MYL4: variants seen among roughly 807,000 people sequenced by gnomAD.
The protein encoded by MYL4 is atrial myosin light chain 1.
Under a neutral mutation model 21.6 loss-of-function variants are expected in MYL4, and 16 were observed. The ratio of observed to expected loss-of-function variants is 0.74; its 90% CI spans 0.50 to 1.12. The LOEUF (loss-of-function observed/expected upper bound fraction) is 1.12, where lower values mean the gene tolerates loss of function less well. Among genes scored for constraint, MYL4 ranks in the 50% most tolerant of loss-of-function variants. The pLI is 0.00. For missense variants in MYL4, 249 were observed against 252.9 expected (o/e 0.98, Z 0.11); for synonymous variants, 82 against 95.7 (o/e 0.86, Z 0.83).
At chr17:47,218,686 C>T (rs2149046556) in intron 2 of MYL4, among the ~76,000 whole-genome samples, 1 of 152,254 alleles carries the variant, frequency 6.6e-6, no homozygotes, top group South Asian at 2.1e-4. Flanking sequence ...TACTCGGAGG[C>T]TGAGGCACAG....
chr17:47,215,684 A>AT (rs2064808203), intron 2 of MYL4, among the ~76,000 whole-genome samples: 1 of 152,208 alleles, frequency 6.6e-6, no homozygotes, highest in Non-Finnish European at 1.5e-5. Context: ...ATTCTAGTCC[A>AT]TTCAGCATCC....
chr17:47,192,438 A>G, the MYL4 span, among the ~76,000 whole-genome samples: 1 of 151,998 alleles, frequency 6.6e-6, no homozygotes, highest in Admixed American at 6.6e-5. Context: ...TCACAAGGTC[A>G]GGAGATCGAG....
At chr17:47,217,803 G>A (rs540533535) in intron 2 of MYL4, among the ~76,000 whole-genome samples, 7 of 152,166 alleles carry the variant, frequency 4.6e-5, no homozygotes, top group African/African-American at 1.4e-4. Context: ...GGAGGCCGAC[G>A]TGGGCTGATC....
upstream of MYL4, among the ~76,000 whole-genome samples, chr17:47,204,667 G>A (rs970133866): frequency 1.3e-5 from 2 of 151,702 alleles, no homozygotes; most frequent in African/African-American, 4.9e-5. Flanking sequence ...GGGAAATGGA[G>A]GCTGCAATGA....
At chr17:47,221,292 G>C (rs1173538206) in intron 3 of MYL4, among the ~76,000 whole-genome samples, 1 of 152,174 alleles carries the variant, frequency 6.6e-6, no homozygotes, top group African/African-American at 2.4e-5. Context: ...TTATAGGTCT[G>C]TCACGTCAAG....
upstream of MYL4, among the ~76,000 whole-genome samples, chr17:47,200,126 A>G (rs967491277): frequency 5.4e-5 from 8 of 148,404 alleles, no homozygotes; most frequent in African/African-American, 2.0e-4. Context: ...TGTTACAAGC[A>G]TAGCAGAGAA....
At chr17:47,207,375 A>T (rs2064734282), upstream of MYL4, among the ~76,000 whole-genome samples, 1 of 152,192 alleles carries the variant, frequency 6.6e-6, no homozygotes, top group African/African-American at 2.4e-5. Flanking sequence ...TCTTGAGGCA[A>T]CTTCAACGTT....
chr17:47,195,252 G>A, the MYL4 span, among the ~76,000 whole-genome samples: 13 of 145,646 alleles, frequency 8.9e-5, no homozygotes, highest in African/African-American at 2.8e-4. Flanking sequence ...TTTTTGAGAC[G>A]GGGTTTTGCT....
rs536664636 is a variant in MYL4, at chr17:47,209,757, A to G, written c.135+200A>G. ...GATTGAGTCATAAACCTTTTCCGTC[A>G]AGAATGAGGTGCTGCTTTGAGGGAG... On this transcript the variant is annotated intron_variant, in intron 1 of 6. Coordinates refer to ENST00000393450, the MANE Select transcript of MYL4 (RefSeq NM_002476.2). 4.4e-4 allele frequency: 327 copies of G among 735,360 alleles called. 5 individuals carry two copies. The highest frequency in any genetic ancestry group is 2.9e-3 in the South Asian group (165 of 57,864). The allele number at this position is 735,360 out of a possible 1,614,324, so 45.6% of individuals were successfully genotyped here. A position where few individuals can be genotyped will look rare whatever the true frequency, so the allele number is the denominator to read the frequency against.
intron 2 of MYL4, among the ~76,000 whole-genome samples, chr17:47,214,478 G>A (rs1424815140): frequency 3.3e-5 from 5 of 151,978 alleles, no homozygotes; most frequent in South Asian, 2.1e-4. Context: ...TCCACCAAAC[G>A]CCTCTAGGAC....
At chr17:47,221,626 C>T (rs987063812) in intron 3 of MYL4, 56 bp from the exon 4 acceptor site, 1 of 1,559,910 alleles carries the variant, frequency 6.4e-7, no homozygotes, top group African/African-American at 1.3e-5. Flanking sequence ...TGACCCTCTG[C>T]TCCCTTGAGC....
chr17:47,225,048 T>G (rs1438187106), downstream of MYL4, among the ~76,000 whole-genome samples: 5 of 152,204 alleles, frequency 3.3e-5, no homozygotes, highest in African/African-American at 1.2e-4. Context: ...AGTCCTTACA[T>G]CCCTGAGGAC....
chr17:47,222,194 G>A (rs1598661205), intron 4 of MYL4, 186 bp from the exon 5 acceptor site: 6 of 633,844 alleles, frequency 9.5e-6, no homozygotes, highest in South Asian at 3.8e-5. Context: ...GGGAGGCTTC[G>A]GAGACTAGGC....
intron 1 of MYL4, among the ~76,000 whole-genome samples, chr17:47,202,191 G>T (rs1310374727): frequency 6.6e-6 from 1 of 152,130 alleles, no homozygotes; most frequent in Non-Finnish European, 1.5e-5. Context: ...TCACCATGTT[G>T]GCCAGGCTGG....
In MYL4 at chr17:47,220,024, T is replaced by C; in HGVS notation, c.284T>C (p.Leu95Pro). 6.8e-6 allele frequency: 11 copies of C among 1,614,040 alleles called. No homozygotes were observed. The highest frequency in any genetic ancestry group is 1.3e-5 in the African/African-American group (1 of 75,080). ...CAGAACCCTACCAATGCCGAGGTGC[T>C]GCGTGTGCTGGGCAAGCCCAAGCCT... ...LGQNPTNAEV[L>P]RVLGKPKPEE... The change falls in exon 3 of 7, where the codon CTG becomes CCG. Residue 95 changes from leucine (L) to proline (P), a missense_variant. Physicochemically the swap from Leu to Pro is moderately conservative, Grantham distance 98. Coordinates refer to ENST00000393450, the MANE Select transcript of MYL4 (RefSeq NM_002476.2).
rs143571929 is a variant in MYL4, at chr17:47,221,382, C to T, written c.314-300C>T. 4.0e-3 allele frequency among the ~76,000 whole-genome samples: 605 copies of T among 152,314 alleles called. 2 individuals carry two copies. The highest frequency in any genetic ancestry group is 0.014 in the African/African-American group (571 of 41,578). On this transcript the variant is annotated intron_variant, in intron 3 of 6. Transcript: ENST00000393450. ...CTGCTGCTGCCACCCTCAGCTCCTCCGCTTGGCTGGCCACCTGGTGCTTAG... is the reference window on the plus strand; with the variant it reads ...CTGCTGCTGCCACCCTCAGCTCCTCTGCTTGGCTGGCCACCTGGTGCTTAG...
At chr17:47,197,539 A>G (rs1453156122), upstream of MYL4, among the ~76,000 whole-genome samples, 1 of 152,196 alleles carries the variant, frequency 6.6e-6, no homozygotes, top group Non-Finnish European at 1.5e-5. Flanking sequence ...AGCACAGGGA[A>G]ATAAACTACA....
At chr17:47,203,447 A>C (rs986433729) in intron 1 of MYL4, among the ~76,000 whole-genome samples, 6 of 151,436 alleles carry the variant, frequency 4.0e-5, no homozygotes. Flanking sequence ...TATGTGCTCT[A>C]TTTTGGTGAT....
chr17:47,201,891 A>G (rs1295436980), intron 1 of MYL4, among the ~76,000 whole-genome samples: 2 of 152,174 alleles, frequency 1.3e-5, no homozygotes, highest in African/African-American at 4.8e-5. Context: ...TGCTTCTAGT[A>G]TGTGTGTATT....
Sources: gnomAD v4.1 joint callset for allele counts (sites outside exome capture counted in the v4.1 genomes callset) on GRCh38, gnomAD v4.1.1 for gene constraint, MANE v1.5 for transcripts, NCBI Gene and HGNC (gene_info 2026-07-23, HGNC 2026-07-21) for gene names.